ASIC2: variants seen among roughly 807,000 people sequenced by gnomAD.
ASIC2 encodes the protein acid-sensing ion channel 2.
A neutral mutation model predicts 57.3 loss-of-function variants in ASIC2; 25 were observed. That is an observed-to-expected ratio of 0.44 (90% CI 0.32 to 0.61). The LOEUF (loss-of-function observed/expected upper bound fraction) is 0.61, where lower values mean the gene tolerates loss of function less well. Ranked by LOEUF, ASIC2 falls within the 20% of genes least tolerant of loss-of-function variation. The pLI is 0.06. For synonymous variants in ASIC2, 319 were observed against 307.5 expected (o/e 1.04, Z -0.39); for missense variants, 641 against 738.1 (o/e 0.87, Z 1.52).
At chr17:33,890,559 C>T (rs1291726784) in intron 1 of ASIC2, among the ~76,000 whole-genome samples, 1 of 152,210 alleles carries the variant, frequency 6.6e-6, no homozygotes, top group Non-Finnish European at 1.5e-5. Context: ...GACTTGTCCA[C>T]CTTCACCAGC....
intron 1 of ASIC2, among the ~76,000 whole-genome samples, chr17:33,990,287 T>C (rs895516202): frequency 2.6e-5 from 4 of 152,110 alleles, no homozygotes; most frequent in East Asian, 1.9e-4. Flanking sequence ...GGAAAACAGA[T>C]ACAGGGTTGC....
chr17:33,107,223 A>C (rs962378649), intron 2 of ASIC2, among the ~76,000 whole-genome samples: 1 of 152,168 alleles, frequency 6.6e-6, no homozygotes, highest in African/African-American at 2.4e-5. Flanking sequence ...TGAAATCTGC[A>C]CTTCTACAGT....
intron 1 of ASIC2, among the ~76,000 whole-genome samples, chr17:33,725,402 A>G (rs903837375): frequency 1.3e-5 from 2 of 152,072 alleles, no homozygotes; most frequent in African/African-American, 4.8e-5. Flanking sequence ...CGAGTTGTCC[A>G]CTCACGGGGA....
intron 1 of ASIC2, among the ~76,000 whole-genome samples, chr17:33,988,480 C>T (rs991569458): frequency 3.9e-5 from 6 of 152,222 alleles, no homozygotes; most frequent in African/African-American, 1.2e-4. Context: ...TGTGAGGTCT[C>T]CTCGGCCATG....
intron 1 of ASIC2, among the ~76,000 whole-genome samples, chr17:33,222,364 A>C (rs561640869): frequency 6.6e-6 from 1 of 152,370 alleles, no homozygotes; most frequent in South Asian, 2.1e-4. Flanking sequence ...GGAAATGTCC[A>C]GAAAAGGCAA....
chr17:33,368,376 T>C (rs1368372305), intron 1 of ASIC2, among the ~76,000 whole-genome samples: 2 of 152,170 alleles, frequency 1.3e-5, no homozygotes, highest in African/African-American at 2.4e-5. Context: ...TAACCACCAA[T>C]GGGTGAAACT....
intron 1 of ASIC2, among the ~76,000 whole-genome samples, chr17:33,241,232 T>G (rs1908496977): frequency 6.6e-6 from 1 of 152,246 alleles, no homozygotes; most frequent in Non-Finnish European, 1.5e-5. Context: ...TATTGGGTAC[T>G]TTATTAAGAC....
intron 1 of ASIC2, among the ~76,000 whole-genome samples, chr17:34,026,423 G>A (rs1460268031): frequency 1.3e-5 from 2 of 152,136 alleles, no homozygotes; most frequent in Admixed American, 6.5e-5. Flanking sequence ...GGAAATGATG[G>A]AGGAGAAACA....
intron 1 of ASIC2, among the ~76,000 whole-genome samples, chr17:34,087,325 C>A (rs978982052): frequency 3.2e-4 from 48 of 152,038 alleles, no homozygotes; most frequent in African/African-American, 1.1e-3. Context: ...ACATGAAATT[C>A]TGGGTTGAAA....
intron 1 of ASIC2, among the ~76,000 whole-genome samples, chr17:33,127,078 C>G (rs1401632499): frequency 6.7e-6 from 1 of 149,616 alleles, no homozygotes; most frequent in Non-Finnish European, 1.5e-5. Flanking sequence ...ACCTTGTTAG[C>G]CAGGATGGTC....
chr17:33,149,165 G>T (rs1285574966), intron 1 of ASIC2, among the ~76,000 whole-genome samples: 1 of 152,102 alleles, frequency 6.6e-6, no homozygotes, highest in Non-Finnish European at 1.5e-5. Flanking sequence ...TGACATTTCA[G>T]TTTCAGATTT....
At chr17:33,759,669 T>G (rs1408177597) in intron 1 of ASIC2, among the ~76,000 whole-genome samples, 1 of 152,150 alleles carries the variant, frequency 6.6e-6, no homozygotes, top group Admixed American at 6.5e-5. Flanking sequence ...ATGATGGCCT[T>G]GCTGCTCAGA....
chr17:34,074,832 C>T (rs1909569262), intron 1 of ASIC2, among the ~76,000 whole-genome samples: 1 of 140,288 alleles, frequency 7.1e-6, no homozygotes, highest in Non-Finnish European at 1.5e-5. Flanking sequence ...GCCACCCAGG[C>T]TGCAATGCAG....
chr17:33,844,597 T>C (rs1443530436), intron 1 of ASIC2, among the ~76,000 whole-genome samples: 1 of 152,206 alleles, frequency 6.6e-6, no homozygotes, highest in African/African-American at 2.4e-5. Context: ...ACAGAGATGA[T>C]AGTCATCTGG....
chr17:33,585,646 G>A (rs543138536), intron 1 of ASIC2, among the ~76,000 whole-genome samples: 1 of 152,286 alleles, frequency 6.6e-6, no homozygotes, highest in South Asian at 2.1e-4. Context: ...GGGAAACCGT[G>A]TAATGCTGCA....
rs750938873 is a variant in ASIC2 at position 33,949,519 on chromosome 17, T to A, written c.555+206459A>T. Among the ~76,000 whole-genome samples the A allele has an allele frequency of 2.0e-5, 3 of 152,248 alleles. No homozygotes were observed. In the South Asian group the frequency reaches 6.2e-4, roughly 32 times the overall value. On this transcript the variant is annotated intron_variant, in intron 1 of 9. Transcript: ENST00000359872. Reference sequence around the variant, plus strand: ...AAAATTAAAGGTACCGCATACCTTTTCTATGCTGCTTTGGATGTCTATGAT... The same window carrying A: ...AAAATTAAAGGTACCGCATACCTTTACTATGCTGCTTTGGATGTCTATGAT...
intron 1 of ASIC2, among the ~76,000 whole-genome samples, chr17:33,645,829 T>G (rs1185995520): frequency 6.6e-6 from 1 of 152,156 alleles, no homozygotes; most frequent in Non-Finnish European, 1.5e-5. Flanking sequence ...CTTGCAGGGA[T>G]AGTGGAAATG....
chr17:33,621,998 CAATAA>C (rs1309257994), intron 1 of ASIC2, among the ~76,000 whole-genome samples: 27 of 152,168 alleles, frequency 1.8e-4, no homozygotes, highest in African/African-American at 6.5e-4. Flanking sequence ...CTAGGTGTCT[CAATAA>C]ATGTTGACTG....
chr17:33,162,929 T>C (rs1295692606), intron 1 of ASIC2, among the ~76,000 whole-genome samples: 1 of 152,212 alleles, frequency 6.6e-6, no homozygotes, highest in African/African-American at 2.4e-5. Context: ...TCAATTTCCT[T>C]TTATGAATCC....
Sources: gnomAD v4.1 joint callset for allele counts (sites outside exome capture counted in the v4.1 genomes callset) on GRCh38, gnomAD v4.1.1 for gene constraint, MANE v1.5 for transcripts, NCBI Gene and HGNC (gene_info 2026-07-23, HGNC 2026-07-21) for gene names.